The following HPS3 variants were observed in gnomAD, a reference collection of about 807,000 sequenced individuals.
The protein encoded by HPS3 is HPS3 biogenesis of lysosomal organelles complex 2 subunit 1.
Under a neutral mutation model 110.9 loss-of-function variants are expected in HPS3, and 79 were observed. The ratio of observed to expected loss-of-function variants is 0.71; its 90% CI spans 0.59 to 0.86. The LOEUF (loss-of-function observed/expected upper bound fraction) is 0.86, where lower values mean the gene tolerates loss of function less well. HPS3 is among the 40% of genes least tolerant of loss of function. HPS3 has a pLI of 0.00. For synonymous variants in HPS3, 428 were observed against 451.0 expected (o/e 0.95, Z 0.65); for missense variants, 1,197 against 1,206.2 (o/e 0.99, Z 0.11).
chr3:149,138,523 A>G (rs1722256092), intron 1 of HPS3, among the ~76,000 whole-genome samples: 1 of 152,188 alleles, frequency 6.6e-6, no homozygotes. Context: ...TGTAATTTGG[A>G]GGACATGGAT....
chr3:149,165,189 TAG>T (rs1379129426), intron 14 of HPS3, among the ~76,000 whole-genome samples: 1 of 152,200 alleles, frequency 6.6e-6, no homozygotes, highest in Non-Finnish European at 1.5e-5. Context: ...GCATGTGCTG[TAG>T]ATGTATGGGG....
At chr3:149,163,975 A>T (rs776598199) in intron 14 of HPS3, 26 bp downstream of exon 14, 2 of 1,071,436 alleles carry the variant, frequency 1.9e-6, no homozygotes, top group East Asian at 4.8e-5. Context: ...TCCTTTTCTT[A>T]TGAAATTGCA....
At chr3:149,146,211 G>C (rs1722773441) in intron 5 of HPS3, among the ~76,000 whole-genome samples, 4 of 152,130 alleles carry the variant, frequency 2.6e-5, no homozygotes, top group Non-Finnish European at 4.4e-5. Flanking sequence ...GCACTTCCTT[G>C]TGCCCTCTGA....
At chr3:149,137,664 GCCACAA>G (rs1465970325) in intron 1 of HPS3, among the ~76,000 whole-genome samples, 1 of 152,166 alleles carries the variant, frequency 6.6e-6, no homozygotes, top group South Asian at 2.1e-4. Context: ...TCTGATGCAT[GCCACAA>G]CCTGGATAAA....
At chr3:149,157,290 A>G in intron 8 of HPS3, 60 bp from the exon 9 acceptor site, 1 of 1,405,304 alleles carries the variant, frequency 7.1e-7, no homozygotes, top group Middle Eastern at 2.3e-4. Flanking sequence ...TGTTTTTAAG[A>G]ACTCAGGAAC....
chr3:149,155,530 G>A (rs1302287605), intron 8 of HPS3, among the ~76,000 whole-genome samples: 1 of 150,308 alleles, frequency 6.7e-6, no homozygotes, highest in Non-Finnish European at 1.5e-5. Flanking sequence ...AAGAAATGGA[G>A]CAAATAAATA....
chr3:149,155,890 C>T (rs1012981390), intron 8 of HPS3, among the ~76,000 whole-genome samples: 1 of 152,012 alleles, frequency 6.6e-6, no homozygotes, highest in African/African-American at 2.4e-5. Flanking sequence ...AAAAATTAGC[C>T]AGTTGTGGTG....
Position 149,165,774 on chromosome 3 carries a change from C to A in HPS3, c.2590-1260C>A, listed in dbSNP as rs531554789. Among the ~76,000 whole-genome samples the A allele has an allele frequency of 2.0e-5, 3 of 152,182 alleles. 1 individual carries two copies. The highest frequency in any genetic ancestry group is 7.2e-5 in the African/African-American group (3 of 41,434). ...TCCTTCCTACTGCCCCCACTCCCTT[C>A]CCCATTATCTGGATTAGTCAAGAGT... On this transcript the variant is annotated intron_variant, in intron 14 of 16. Transcript: ENST00000296051.
intron 5 of HPS3, among the ~76,000 whole-genome samples, chr3:149,146,801 T>A (rs1722802078): frequency 6.6e-6 from 1 of 152,184 alleles, no homozygotes. Flanking sequence ...TCTTTAAATA[T>A]GAAGAAGCTG....
rs1725097093 is a variant in HPS3, at chr3:149,172,413, C to T, written c.*191C>T. 5.8e-6 allele frequency: 3 copies of T among 520,002 alleles called. No homozygotes were observed. The highest frequency in any genetic ancestry group is 1.0e-5 in the Non-Finnish European group (3 of 288,274). 32.2% of individuals were successfully genotyped at this position (520,002 alleles called of 1,614,324 possible). ...CTTACCGTGTAGTGGTAACTATTCA[C>T]TTCTTAATTTATGACCTCAATCAAT... On this transcript the variant is annotated 3_prime_UTR_variant, in exon 17 of 17. Transcript: ENST00000296051.
intron 4 of HPS3, among the ~76,000 whole-genome samples, chr3:149,144,102 T>G (rs1482755880): frequency 1.3e-5 from 2 of 151,746 alleles, no homozygotes; most frequent in Non-Finnish European, 2.9e-5. Flanking sequence ...TGTTGCCGGG[T>G]GCGGTGGTTC....
At chr3:149,139,700 T>C (rs1393619175) in intron 1 of HPS3, among the ~76,000 whole-genome samples, 1 of 152,222 alleles carries the variant, frequency 6.6e-6, no homozygotes, top group Non-Finnish European at 1.5e-5. Flanking sequence ...TTGTTAGAAC[T>C]GCAGATTTAG....
chr3:149,170,235 G>A (rs1724840602), intron 16 of HPS3, among the ~76,000 whole-genome samples: 1 of 152,158 alleles, frequency 6.6e-6, no homozygotes, highest in Non-Finnish European at 1.5e-5. Context: ...TGGGAGAAGA[G>A]GAGAATTGGG....
intron 8 of HPS3, among the ~76,000 whole-genome samples, chr3:149,156,490 T>C (rs997870127): frequency 6.6e-6 from 1 of 152,184 alleles, no homozygotes; most frequent in Non-Finnish European, 1.5e-5. Context: ...TAGCCTTTCA[T>C]TATGTTTTAT....
chr3:149,157,493 T>TA lies in HPS3; in HGVS notation c.1655dup (p.Glu553GlyfsTer14). ...AGAAGGCAGAGCTTTTGGAAGCATT[T>TA]AAGGAAAGCTGTGGGCACCTTGGGG... On this transcript the variant is annotated frameshift_variant, in exon 9 of 17. Transcript: ENST00000296051. LOFTEE classifies it high-confidence loss of function. 6.2e-7 allele frequency: 1 copy of TA among 1,613,872 alleles called. No individual in the cohort carries two copies. The highest frequency in any genetic ancestry group is 2.2e-5 in the East Asian group (1 of 44,878).
intron 14 of HPS3, chr3:149,165,978 T>G (rs1297935677): frequency 2.2e-6 from 1 of 455,844 alleles, no homozygotes; most frequent in African/African-American, 2.0e-5. Flanking sequence ...GGTAGATATT[T>G]GGAATAAAAT....
intron 4 of HPS3, among the ~76,000 whole-genome samples, chr3:149,142,301 T>C (rs775091703): frequency 9.2e-5 from 14 of 152,228 alleles, no homozygotes; most frequent in Non-Finnish European, 1.8e-4. Context: ...AGAGCCAAGG[T>C]ATGTGTGGGT....
Position 149,157,465 on chromosome 3 carries a change from G to C in HPS3, c.1625G>C (p.Gly542Ala), listed in dbSNP as rs775838782. ...ALMDASQLEP[G>A]EKAELLEAFK... ...ATGGATGCCAGTCAGCTGGAACCTG[G>C]AGAGAAGGCAGAGCTTTTGGAAGCA... is the stretch of plus-strand genomic sequence containing the variant. Residue 542 changes from glycine (G) to alanine (A), a missense_variant, in exon 9 of 17, where the codon GGA becomes GCA. By Grantham distance (60) the Gly-to-Ala change is moderately conservative. Transcript: ENST00000296051. 1.9e-6 allele frequency: 3 copies of C among 1,613,926 alleles called. No individual in the cohort carries two copies. Among genetic ancestry groups the C allele is most frequent in the East Asian group, 4.5e-5 (2 of 44,868 alleles).
intron 4 of HPS3, among the ~76,000 whole-genome samples, chr3:149,142,960 A>G (rs991626540): frequency 6.6e-6 from 1 of 152,154 alleles, no homozygotes; most frequent in African/African-American, 2.4e-5. Flanking sequence ...GGGTTGGTGC[A>G]GGGGAGGGGA....
Sources: allele counts gnomAD v4.1 joint callset (sites outside exome capture counted in the v4.1 genomes callset), GRCh38; gene constraint gnomAD v4.1.1; transcripts MANE v1.5; gene names NCBI Gene and HGNC (gene_info 2026-07-23, HGNC 2026-07-21).